SLCO4C1: variants seen among roughly 807,000 people sequenced by gnomAD.
SLCO4C1 encodes organic anion transporter M1.
In SLCO4C1, 58 loss-of-function variants were observed where a neutral mutation model predicts 72.1. That is an observed-to-expected ratio of 0.80 (90% CI 0.65 to 1.00). The LOEUF (loss-of-function observed/expected upper bound fraction) is 1.00. Among genes scored for constraint, SLCO4C1 ranks in the 50% least tolerant of loss-of-function variants. The pLI, the probability that SLCO4C1 is intolerant of heterozygous loss-of-function variation, is 0.00. For missense variants in SLCO4C1, 898 were observed against 857.9 expected, an observed-to-expected ratio of 1.05 and a Z score of -0.58; for synonymous variants, 297 against 312.5, an observed-to-expected ratio of 0.95 and a Z score of 0.52.
chr5:102,243,555 C>T (rs187679494), intron 10 of SLCO4C1, among the ~76,000 whole-genome samples: 1 of 152,266 alleles, frequency 6.6e-6, no homozygotes, highest in Non-Finnish European at 1.5e-5. Flanking sequence ...CCCCTTAAAG[C>T]AGATACAACT....
chr5:102,243,374 T>G (rs1297875243), intron 10 of SLCO4C1, among the ~76,000 whole-genome samples: 1 of 152,080 alleles, frequency 6.6e-6, no homozygotes, highest in East Asian at 1.9e-4. Flanking sequence ...ATGGAGTAGT[T>G]ACAAAAGACC....
intron 8 of SLCO4C1, among the ~76,000 whole-genome samples, chr5:102,253,724 G>T (rs1748782781): frequency 6.6e-6 from 1 of 151,624 alleles, no homozygotes; most frequent in Non-Finnish European, 1.5e-5. Context: ...AGAATTGCTT[G>T]AACCCAGGAG....
Position 102,270,690 on chromosome 5 carries a change from G to A in SLCO4C1, c.736C>T (p.Leu246Phe). 6.2e-7 allele frequency: 1 copy of A among 1,613,270 alleles called. No homozygotes were observed. Among genetic ancestry groups the A allele is most frequent in the Non-Finnish European group, 8.5e-7 (1 of 1,179,520 alleles). ...AGAAAGGCTGTTCCCAGAGTATAAA[G>A]AGGAGTTCCTCCTGCCCCCAGCAAT... Reference protein sequence around the residue: ...QLLLGAGGTPLYTLGTAFLDD... With the variant: ...QLLLGAGGTPFYTLGTAFLDD... The change falls in exon 3 of 13, where the codon CTT becomes TTT. Residue 246 changes from leucine (L) to phenylalanine (F), a missense_variant. Transcript: ENST00000310954.
chr5:102,234,277 T>C lies in SLCO4C1; in HGVS notation c.*2581A>G, dbSNP rs1405058970. 6.6e-6 allele frequency: 1 copy of C among 152,598 alleles called. No homozygotes were observed. Among genetic ancestry groups the C allele is most frequent in the African/African-American group, 2.4e-5 (1 of 41,466 alleles). 9.5% of individuals were successfully genotyped at this position (152,598 alleles called of 1,614,324 possible). A position where few individuals can be genotyped will look rare whatever the true frequency, so the allele number is the denominator to read the frequency against. On this transcript the variant is annotated 3_prime_UTR_variant, in exon 13 of 13. Coordinates refer to ENST00000310954, the MANE Select transcript of SLCO4C1 (RefSeq NM_180991.5). ...ATCATAAATTACAAAAAACGCACTA[T>C]GAATAATTTTGTTCTAGAAGTATCA... is the stretch of plus-strand genomic sequence containing the variant.
At chr5:102,283,349 T>C (rs568481683) in intron 2 of SLCO4C1, among the ~76,000 whole-genome samples, 3 of 152,064 alleles carry the variant, frequency 2.0e-5, no homozygotes, top group Non-Finnish European at 2.9e-5. Context: ...AGGATCACTG[T>C]AGTTCTATCA....
rs1406390028 is a variant in SLCO4C1 at position 102,249,814 on chromosome 5, T to C, written c.1470-26A>G. ...CTGTAAATAAGAAATGAAAGAAGGG[T>C]AAATGATCTGTCATAACTTTTAACT... On this transcript the variant is annotated intron_variant, in intron 8 of 12. Coordinates refer to ENST00000310954, the MANE Select transcript of SLCO4C1 (RefSeq NM_180991.5). 4 of 1,604,436 alleles carry C rather than the reference T, an allele frequency of 2.5e-6. No homozygotes were observed. The East Asian group carries it at 6.7e-5, about 27-fold the overall frequency.
At chr5:102,259,325 T>G (rs565421364) in intron 6 of SLCO4C1, among the ~76,000 whole-genome samples, 1 of 152,186 alleles carries the variant, frequency 6.6e-6, no homozygotes, top group East Asian at 1.9e-4. Flanking sequence ...TGACTCTATA[T>G]GGTAATGTAA....
At chr5:102,266,360 G>A (rs1178440709) in intron 3 of SLCO4C1, among the ~76,000 whole-genome samples, 1 of 152,094 alleles carries the variant, frequency 6.6e-6, no homozygotes, top group Non-Finnish European at 1.5e-5. Context: ...TGATGAAAGT[G>A]GGCCTTCAGC....
intron 2 of SLCO4C1, among the ~76,000 whole-genome samples, chr5:102,281,714 CA>C (rs1345086490): frequency 3.3e-5 from 5 of 152,006 alleles, no homozygotes; most frequent in Non-Finnish European, 7.4e-5. Flanking sequence ...CAAATTAAAA[CA>C]CAACGAGATT....
chr5:102,273,730 C>T (rs372177043), intron 2 of SLCO4C1, among the ~76,000 whole-genome samples: 1 of 152,140 alleles, frequency 6.6e-6, no homozygotes, highest in East Asian at 1.9e-4. Context: ...TAGAGAAATA[C>T]TTCATTCAGA....
intron 3 of SLCO4C1, among the ~76,000 whole-genome samples, chr5:102,268,910 T>C (rs1332143051): frequency 6.6e-6 from 1 of 152,170 alleles, no homozygotes; most frequent in African/African-American, 2.4e-5. Context: ...TTCTGAAGAA[T>C]AGCTTTGCTG....
chr5:102,242,874 CG>C (rs1159338062), intron 10 of SLCO4C1, among the ~76,000 whole-genome samples: 2 of 152,018 alleles, frequency 1.3e-5, no homozygotes, highest in Non-Finnish European at 2.9e-5. Flanking sequence ...ATCACTGCCC[CG>C]GGGGGTAGAG....
intron 10 of SLCO4C1, among the ~76,000 whole-genome samples, chr5:102,241,896 G>A (rs964843110): frequency 1.3e-5 from 2 of 152,026 alleles, no homozygotes; most frequent in Non-Finnish European, 2.9e-5. Context: ...AGTCAGGTGA[G>A]CACTTATAAT....
At chr5:102,289,512 C>T (rs1279131290) in intron 2 of SLCO4C1, among the ~76,000 whole-genome samples, 1 of 152,194 alleles carries the variant, frequency 6.6e-6, no homozygotes, top group Non-Finnish European at 1.5e-5. Flanking sequence ...AGAAACAGCA[C>T]AAAGATTACC....
chr5:102,269,229 T>C (rs556455751), intron 3 of SLCO4C1, among the ~76,000 whole-genome samples: 63 of 152,282 alleles, frequency 4.1e-4, no homozygotes, highest in Non-Finnish European at 7.1e-4. Flanking sequence ...ATTTGAGATG[T>C]TTTCAGCATT....
chr5:102,257,093 A>T, intron 8 of SLCO4C1, 22 bp downstream of exon 8: 1 of 1,464,604 alleles, frequency 6.8e-7, no homozygotes, highest in Non-Finnish European at 9.1e-7. Context: ...ATTAATATCA[A>T]AAAGCACTGA....
In SLCO4C1 at chr5:102,252,747, A is replaced by T. The variant is rs1748764835; in HGVS notation, c.1470-2959T>A. Among the ~76,000 whole-genome samples the T allele has an allele frequency of 2.0e-5, 3 of 152,172 alleles. No individual in the cohort carries two copies. The South Asian group carries it at 6.2e-4, about 32-fold the overall frequency. ...CTTAATATCAAGGGGTGGTCACATT[A>T]GTCTACATATTTTACAAAGGTTTAC... On this transcript the variant is annotated intron_variant, in intron 8 of 12. Transcript: ENST00000310954.
chr5:102,258,141 T>C (rs1387033669), intron 6 of SLCO4C1, 54 bp from the exon 7 acceptor site: 9 of 1,395,288 alleles, frequency 6.5e-6, no homozygotes, highest in Admixed American at 5.4e-5. Context: ...TATTGCAAAG[T>C]ACAGAATTAG....
At chr5:102,244,208 T>A (rs1391811910) in intron 10 of SLCO4C1, among the ~76,000 whole-genome samples, 1 of 151,934 alleles carries the variant, frequency 6.6e-6, no homozygotes, top group East Asian at 1.9e-4. Flanking sequence ...AAGAATCAAG[T>A]GGAAATTCTG....
Sources: allele counts gnomAD v4.1 joint callset (sites outside exome capture counted in the v4.1 genomes callset), GRCh38; gene constraint gnomAD v4.1.1; transcripts MANE v1.5; gene names NCBI Gene and HGNC (gene_info 2026-07-23, HGNC 2026-07-21).